AQP1: variants seen among roughly 807,000 people sequenced by gnomAD.
AQP1 encodes the protein aquaporin 1 (Colton blood group).
Under a neutral mutation model 19.7 loss-of-function variants are expected in AQP1, and 11 were observed. The ratio of observed to expected loss-of-function variants is 0.56; its 90% confidence interval spans 0.35 to 0.92. The LOEUF is 0.92. Among genes scored for constraint, AQP1 ranks in the 40% least tolerant of loss-of-function variants. The pLI is 0.01. For missense variants in AQP1, 320 were observed against 369.7 expected, an observed-to-expected ratio of 0.87 and a Z score of 1.10; for synonymous variants, 159 against 166.7, an observed-to-expected ratio of 0.95 and a Z score of 0.36.
chr7:30,917,387 G>C (rs886152068), intron 1 of AQP1, among the ~76,000 whole-genome samples: 1 of 152,256 alleles, frequency 6.6e-6, no homozygotes, highest in African/African-American at 2.4e-5. Flanking sequence ...GAAGGAGGGA[G>C]GGAGGGAGGA....
chr7:30,924,284 G>T lies in AQP1; in HGVS notation c.*655G>T. 3.5e-6 allele frequency: 1 copy of T among 286,784 alleles called. No homozygotes were observed. Among genetic ancestry groups the T allele is most frequent in the Non-Finnish European group, 6.1e-6 (1 of 162,864 alleles). 17.8% of individuals were successfully genotyped at this position (286,784 alleles called of 1,614,324 possible). A position where few individuals can be genotyped will look rare whatever the true frequency, so the allele number is the denominator to read the frequency against. ...CAGCCCCTAAGTGCAAACACAGCAT[G>T]GGTCCAGAAGACGTGGTCTAGACCA... On this transcript the variant is annotated 3_prime_UTR_variant, in exon 4 of 4. Coordinates refer to ENST00000311813, the MANE Select transcript of AQP1 (RefSeq NM_198098.4).
intron 1 of AQP1, among the ~76,000 whole-genome samples, chr7:30,915,875 G>A (rs1052222734): frequency 1.3e-5 from 2 of 152,180 alleles, no homozygotes; most frequent in African/African-American, 2.4e-5. Flanking sequence ...CAGAGCTCAG[G>A]GGAGGGATGG....
Position 30,921,902 on chromosome 7 carries a change from A to G in AQP1, c.385-164A>G, listed in dbSNP as rs893757362. On this transcript the variant is annotated intron_variant, in intron 1 of 3. Coordinates refer to ENST00000311813, the MANE Select transcript of AQP1 (RefSeq NM_198098.4). ...GTGGGTTCAAGGCCTGATTTCCACT[A>G]CCTGCCGTGTAGGCTTGCCTGGGAC... is the stretch of plus-strand genomic sequence containing the variant. The G allele has an allele frequency of 7.9e-6, 12 of 1,526,468 alleles. No individual in the cohort carries two copies. In the African/African-American group the frequency reaches 1.5e-4, roughly 19 times the overall value. 94.6% of individuals were successfully genotyped at this position (1,526,468 alleles called of 1,614,324 possible).
Position 30,912,657 on chromosome 7 carries a change from C to T in AQP1, c.384+364C>T, listed in dbSNP as rs1051453744. Among the ~76,000 whole-genome samples, 2 of 152,218 alleles carry T rather than the reference C, an allele frequency of 1.3e-5. No homozygotes were observed. The highest frequency in any genetic ancestry group is 2.9e-5 in the Non-Finnish European group (2 of 68,048). ...GCCGCCAGCTCCCTCCTCCTGCAGC[C>T]CTGCACCCTGGGGAAACTTTGCCCG... On this transcript the variant is annotated intron_variant, in intron 1 of 3. Transcript: ENST00000311813. This position sits in a 1 kb window ranked among gnomAD's most constrained non-coding sequence, Gnocchi z 4.3.
At chr7:30,916,311 A>G (rs1791350333) in intron 1 of AQP1, among the ~76,000 whole-genome samples, 1 of 152,206 alleles carries the variant, frequency 6.6e-6, no homozygotes, top group Admixed American at 6.5e-5. Context: ...AGCAGCATGA[A>G]GTGGCCATTA....
intron 1 of AQP1, among the ~76,000 whole-genome samples, chr7:30,919,561 T>G (rs1266415685): frequency 1.0e-5 from 1 of 96,322 alleles, no homozygotes. Flanking sequence ...TCTTACTTTT[T>G]TTTTTTTTTT....
chr7:30,912,260 C>G lies in AQP1; in HGVS notation c.351C>G (p.Ser117=). The change falls in exon 1 of 4, where the codon TCC becomes TCG. Residue 117 remains serine (S), a synonymous_variant. Transcript: ENST00000311813. The surrounding 1 kb of genome is among the most constrained non-coding windows in gnomAD (Gnocchi z 4.3). The part of the protein sequence containing the change: ...VATAILSGIT[S]SLTGNSLGRN... ...CCGCCATCCTCTCAGGCATCACCTC[C>G]TCCCTGACTGGGAACTCGCTTGGCC... The G allele has an allele frequency of 6.2e-7, 1 of 1,605,694 alleles. No individual in the cohort carries two copies. Among genetic ancestry groups the G allele is most frequent in the Non-Finnish European group, 8.5e-7 (1 of 1,179,754 alleles).
At chr7:30,922,908 C>T (rs1791563162) in intron 3 of AQP1, among the ~76,000 whole-genome samples, 1 of 152,244 alleles carries the variant, frequency 6.6e-6, no homozygotes, top group Non-Finnish European at 1.5e-5. Context: ...AAAAGTGGGG[C>T]TCCAAATCCT....
At chr7:30,913,352 G>C (rs369863945) in intron 1 of AQP1, 1 of 152,434 alleles carries the variant, frequency 6.6e-6, no homozygotes. Flanking sequence ...TGAGAGACTG[G>C]GGAAGGCTTG....
chr7:30,915,738 A>C (rs994296580), intron 1 of AQP1, among the ~76,000 whole-genome samples: 2 of 152,208 alleles, frequency 1.3e-5, no homozygotes, highest in African/African-American at 4.8e-5. Flanking sequence ...TACCTGCAGC[A>C]TCAGGGGCCT....
rs767949083 is a variant in AQP1 at position 30,912,277 on chromosome 7, C to T, written c.368C>T (p.Ser123Leu). ...SGITSSLTGN[S>L]LGRNDLADGV... ...ATCACCTCCTCCCTGACTGGGAACT[C>T]GCTTGGCCGCAATGACGTGAGTGGG... The change falls in exon 1 of 4, where the codon TCG becomes TTG. Residue 123 changes from serine to leucine, a missense_variant. Coordinates refer to ENST00000311813, the MANE Select transcript of AQP1 (RefSeq NM_198098.4). This position sits in a 1 kb window ranked among gnomAD's most constrained non-coding sequence, Gnocchi z 4.3. 14 of 1,602,378 alleles carry T rather than the reference C, an allele frequency of 8.7e-6. 1 individual carries two copies. Among genetic ancestry groups the T allele is most frequent in the African/African-American group, 6.7e-5 (5 of 74,910 alleles).
intron 1 of AQP1, among the ~76,000 whole-genome samples, chr7:30,920,104 T>G (rs1427246964): frequency 1.3e-5 from 2 of 152,122 alleles, no homozygotes; most frequent in African/African-American, 4.8e-5. Flanking sequence ...CGCACCTGGT[T>G]AAGAACCAGA....
At chr7:30,918,648 GCACCAGGGTGC>G (rs1040581521) in intron 1 of AQP1, among the ~76,000 whole-genome samples, 1 of 152,216 alleles carries the variant, frequency 6.6e-6, no homozygotes, top group African/African-American at 2.4e-5. Context: ...CAAGGCCAGG[GCACCAGGGTGC>G]CCAGGCCAAG....
At position 30,923,896 on chromosome 7, in the gene AQP1, G is replaced by A. The variant is rs1247709073; in HGVS notation, c.*267G>A. On this transcript the variant is annotated 3_prime_UTR_variant, in exon 4 of 4. Transcript: ENST00000311813. This position sits in a 1 kb window ranked among gnomAD's most constrained non-coding sequence, Gnocchi z 4.8. ...AGTTGTGGAGGAGGTGAAAGAAAGG[G>A]ACCCACCTGCTAGTCGCCCCTCAGA... 1.1e-5 allele frequency: 17 copies of A among 1,478,270 alleles called. No homozygotes were observed. Among genetic ancestry groups the A allele is most frequent in the Non-Finnish European group, 1.3e-5 (14 of 1,105,266 alleles). The allele number at this position is 1,478,270 out of a possible 1,614,324, so 91.6% of individuals were successfully genotyped here.
chr7:30,916,344 A>G (rs1397118764), intron 1 of AQP1, among the ~76,000 whole-genome samples: 3 of 152,180 alleles, frequency 2.0e-5, no homozygotes, highest in Admixed American at 2.0e-4. Flanking sequence ...CCAATTCCAG[A>G]TGGTACCCCC....
chr7:30,918,693 C>T (rs1791421024), intron 1 of AQP1, among the ~76,000 whole-genome samples: 2 of 152,190 alleles, frequency 1.3e-5, no homozygotes, highest in South Asian at 4.1e-4. Flanking sequence ...GCCTTGGAAG[C>T]CACCCTGGTT....
At chr7:30,921,695 A>G (rs1272693562) in intron 1 of AQP1, 1 of 1,551,032 alleles carries the variant, frequency 6.4e-7, no homozygotes, top group South Asian at 1.2e-5. Flanking sequence ...GCTCCTGACC[A>G]TCACCTTCAT....
chr7:30,915,522 G>T (rs1254918590), intron 1 of AQP1, among the ~76,000 whole-genome samples: 2 of 152,156 alleles, frequency 1.3e-5, no homozygotes, highest in Non-Finnish European at 2.9e-5. Flanking sequence ...TACGGGAGTT[G>T]TTGGGTATGG....
rs888740210 is a variant in AQP1 at position 30,924,856 on chromosome 7, T to C, written c.*1227T>C. 6.6e-6 allele frequency: 1 copy of C among 152,302 alleles called. No individual in the cohort carries two copies. The highest frequency in any genetic ancestry group is 1.5e-5 in the Non-Finnish European group (1 of 68,090). The allele number at this position is 152,302 out of a possible 1,614,324, so 9.4% of individuals were successfully genotyped here. A position where few individuals can be genotyped will look rare whatever the true frequency, so the allele number is the denominator to read the frequency against. On this transcript the variant is annotated 3_prime_UTR_variant, in exon 4 of 4. Transcript: ENST00000311813. ...AGCTGAATAACCTGCACAGGCTTGCTGTATGACCCCTGGCCACAGCCTTCC... is the reference window on the plus strand; with the variant it reads ...AGCTGAATAACCTGCACAGGCTTGCCGTATGACCCCTGGCCACAGCCTTCC...
Sources: allele counts gnomAD v4.1 joint callset (sites outside exome capture counted in the v4.1 genomes callset), GRCh38; gene constraint gnomAD v4.1.1; non-coding constraint Gnocchi (gnomAD v3.1); transcripts MANE v1.5; gene names NCBI Gene and HGNC (gene_info 2026-07-23, HGNC 2026-07-21).